Variants in RNF130 observed in about 807,000 individuals in gnomAD.
The protein encoded by RNF130 is ring finger protein 130.
A neutral mutation model predicts 44.6 loss-of-function variants in RNF130; 21 were observed. The ratio of observed to expected loss-of-function variants is 0.47; its 90% CI spans 0.33 to 0.68. The LOEUF is 0.68. Among genes scored for constraint, RNF130 ranks in the 30% least tolerant of loss-of-function variants. The probability of loss-of-function intolerance (pLI) is 0.02; values close to 1 mark genes in which losing one functional copy is unlikely to be tolerated. For synonymous variants in RNF130, 214 were observed against 210.4 expected, an observed-to-expected ratio of 1.02 and a Z score of -0.15; for missense variants, 479 against 560.6, an observed-to-expected ratio of 0.85 and a Z score of 1.47.
chr5:180,026,475 A>G (rs1763987774), intron 2 of RNF130, among the ~76,000 whole-genome samples: 1 of 152,208 alleles, frequency 6.6e-6, no homozygotes, highest in South Asian at 2.1e-4. Flanking sequence ...CTACATGACA[A>G]AGAACTCACT....
At chr5:180,036,077 T>C (rs1471955206) in intron 2 of RNF130, among the ~76,000 whole-genome samples, 1 of 152,242 alleles carries the variant, frequency 6.6e-6, no homozygotes, top group Admixed American at 6.5e-5. Context: ...AACATCTCTA[T>C]ATTTTGCATG....
chr5:179,967,303 T>G (rs1762473208), intron 6 of RNF130, among the ~76,000 whole-genome samples: 1 of 152,194 alleles, frequency 6.6e-6, no homozygotes, highest in African/African-American at 2.4e-5. Context: ...TCGTAATCAT[T>G]AACATAAAGA....
intron 3 of RNF130, among the ~76,000 whole-genome samples, chr5:179,997,619 C>T (rs752473041): frequency 3.3e-5 from 5 of 151,982 alleles, no homozygotes; most frequent in East Asian, 1.9e-4. Flanking sequence ...TGAGCCACCG[C>T]GAGTGGCCTT....
At chr5:180,070,443 C>T (rs775858766) in intron 1 of RNF130, among the ~76,000 whole-genome samples, 2 of 152,166 alleles carry the variant, frequency 1.3e-5, no homozygotes, top group Non-Finnish European at 2.9e-5. Flanking sequence ...CTTTGGCATA[C>T]AAATACAGAC....
chr5:180,053,918 C>T lies in RNF130; in HGVS notation c.248-13271G>A, dbSNP rs535820981. The stretch of plus-strand genomic sequence containing the variant: ...GATCTCGGCTCACTGCAACCTCTGC[C>T]TCCCAGGTTCAAGCGATTCTCCTGC... On this transcript the variant is annotated intron_variant, in intron 1 of 8. Coordinates refer to ENST00000521389, the MANE Select transcript of RNF130 (RefSeq NM_018434.6). Among the ~76,000 whole-genome samples the T allele has an allele frequency of 5.9e-5, 9 of 151,626 alleles. No homozygotes were observed. The South Asian group carries it at 1.9e-3, about 32-fold the overall frequency.
At chr5:180,016,415 T>G (rs1219996183) in intron 2 of RNF130, among the ~76,000 whole-genome samples, 1 of 152,172 alleles carries the variant, frequency 6.6e-6, no homozygotes, top group Non-Finnish European at 1.5e-5. Context: ...GAGTGAAGAA[T>G]AATTAGACTG....
chr5:180,068,146 A>G lies in RNF130; in HGVS notation c.247+3310T>C, dbSNP rs560977266. ...CATCTGCATACATAATCACATCATC[A>G]ACACAGGGCTTTCTCCTCTCCCAAC... On this transcript the variant is annotated intron_variant, in intron 1 of 8. Transcript: ENST00000521389. Among the ~76,000 whole-genome samples, 176 of 152,340 alleles carry G rather than the reference A, an allele frequency of 1.2e-3. 2 individuals are homozygous for G. The highest frequency in any genetic ancestry group is 4.6e-3 in the Admixed American group (70 of 15,294).
At chr5:180,004,820 G>A (rs1763426161) in intron 3 of RNF130, among the ~76,000 whole-genome samples, 3 of 152,212 alleles carry the variant, frequency 2.0e-5, no homozygotes, top group Non-Finnish European at 4.4e-5. Context: ...TCTGCACAGA[G>A]TAGGGTTTTC....
At position 179,939,740 on chromosome 5, in the gene RNF130, G is replaced by A. The variant is rs984990690; in HGVS notation, c.1151-19314C>T. 4.0e-5 allele frequency: 18 copies of A among 447,106 alleles called. 1 individual carries two copies. Among genetic ancestry groups the A allele is most frequent in the African/African-American group, 1.9e-4 (9 of 47,172 alleles). The allele number at this position is 447,106 out of a possible 1,614,324, so 27.7% of individuals were successfully genotyped here. On this transcript the variant is annotated intron_variant, in intron 7 of 7. Transcript: ENST00000522208. ...CAAAAGACGGAAATCCACTGAAAGC[G>A]GAGAAAAACGACCCCCTCCCTTGGC... is the stretch of plus-strand genomic sequence containing the variant.
chr5:180,060,271 T>G (rs1764941758), intron 1 of RNF130, among the ~76,000 whole-genome samples: 1 of 152,228 alleles, frequency 6.6e-6, no homozygotes, highest in African/African-American at 2.4e-5. Context: ...TTTTGGTGAT[T>G]TGTTACTGCG....
At chr5:180,026,727 A>G (rs1232287935) in intron 2 of RNF130, among the ~76,000 whole-genome samples, 3 of 152,244 alleles carry the variant, frequency 2.0e-5, no homozygotes, top group African/African-American at 7.2e-5. Flanking sequence ...TAGGTATAAA[A>G]CATAGCCTTA....
At chr5:180,009,095 C>G (rs1446664796) in intron 3 of RNF130, among the ~76,000 whole-genome samples, 2 of 152,074 alleles carry the variant, frequency 1.3e-5, no homozygotes, top group Admixed American at 1.3e-4. Flanking sequence ...CATTAGAAAA[C>G]AGGAAAGCCT....
chr5:179,937,954 G>A (rs1761918500), intron 7 of RNF130, among the ~76,000 whole-genome samples: 2 of 151,116 alleles, frequency 1.3e-5, no homozygotes, highest in South Asian at 4.2e-4. Flanking sequence ...GAGAGAGAGA[G>A]AGAGAGAGAG....
intron 1 of RNF130, among the ~76,000 whole-genome samples, chr5:180,061,695 C>A (rs1258655432): frequency 6.6e-6 from 1 of 152,114 alleles, no homozygotes; most frequent in Non-Finnish European, 1.5e-5. Context: ...GGACATTAGT[C>A]GTTGGATTTA....
chr5:179,962,650 C>T (rs572293034), intron 8 of RNF130, among the ~76,000 whole-genome samples: 1 of 152,160 alleles, frequency 6.6e-6, no homozygotes, highest in Non-Finnish European at 1.5e-5. Context: ...AATAAAAAAA[C>T]CCTTTCTATA....
intron 5 of RNF130, among the ~76,000 whole-genome samples, chr5:179,975,624 G>A (rs1448207901): frequency 1.3e-5 from 2 of 152,304 alleles, no homozygotes; most frequent in East Asian, 3.9e-4. Flanking sequence ...GCTTGGTGAT[G>A]CGTGGAGTGT....
chr5:180,062,353 C>T (rs546402361), intron 1 of RNF130, among the ~76,000 whole-genome samples: 52 of 151,938 alleles, frequency 3.4e-4, no homozygotes, highest in African/African-American at 1.2e-3. Context: ...AGCCACTGAG[C>T]CCGGTCCCCC....
intron 2 of RNF130, among the ~76,000 whole-genome samples, chr5:180,027,577 G>A (rs1413264532): frequency 6.6e-6 from 1 of 152,168 alleles, no homozygotes; most frequent in African/African-American, 2.4e-5. Flanking sequence ...CTTTCAGCTA[G>A]TGCAGCTCGC....
At chr5:180,028,415 G>A (rs981492261) in intron 2 of RNF130, among the ~76,000 whole-genome samples, 2 of 151,932 alleles carry the variant, frequency 1.3e-5, no homozygotes, top group Non-Finnish European at 2.9e-5. Context: ...ATTTCCTTCC[G>A]ACTCCCTCTC....
Sources: allele counts gnomAD v4.1 joint callset (sites outside exome capture counted in the v4.1 genomes callset), GRCh38; gene constraint gnomAD v4.1.1; transcripts MANE v1.5; gene names NCBI Gene and HGNC (gene_info 2026-07-23, HGNC 2026-07-21).